RBX1: variants seen among roughly 807,000 people sequenced by gnomAD.
RBX1 encodes the protein ring-box 1, also known as E3 ubiquitin-protein ligase RBX1.
For synonymous variants in RBX1, 48 were observed against 47.9 expected, an observed-to-expected ratio of 1.00 and a Z score of -0.01; for missense variants, 46 against 141.4, an observed-to-expected ratio of 0.33 and a Z score of 3.42.
At chr22:40,965,959 A>G (rs907407404) in intron 3 of RBX1, among the ~76,000 whole-genome samples, 1 of 152,186 alleles carries the variant, frequency 6.6e-6, no homozygotes, top group Non-Finnish European at 1.5e-5. Flanking sequence ...AAATTTGGCT[A>G]AGGAGAGATT....
At chr22:40,971,581 A>T (rs1350270182) in intron 4 of RBX1, among the ~76,000 whole-genome samples, 1 of 152,076 alleles carries the variant, frequency 6.6e-6, no homozygotes, top group Non-Finnish European at 1.5e-5. Flanking sequence ...TTTGAGACAG[A>T]GTCTCACTGT....
At chr22:40,960,432 A>G (rs1288865928) in intron 2 of RBX1, among the ~76,000 whole-genome samples, 1 of 152,072 alleles carries the variant, frequency 6.6e-6, no homozygotes, top group African/African-American at 2.4e-5. Flanking sequence ...TAGGAGGAGG[A>G]GCATGTTCCA....
chr22:40,952,973 A>C (rs1049682603), intron 1 of RBX1, among the ~76,000 whole-genome samples: 3 of 145,278 alleles, frequency 2.1e-5, no homozygotes, highest in Admixed American at 1.4e-4. Flanking sequence ...CAGAAATTCA[A>C]GTTTGTGCCC....
At chr22:40,964,287 G>A in intron 3 of RBX1, 170 bp downstream of exon 3, 1 of 523,328 alleles carries the variant, frequency 1.9e-6, no homozygotes, top group Non-Finnish European at 3.4e-6. Context: ...ACCTGTTACA[G>A]GGTAAAAATT....
chr22:40,964,657 A>G (rs1267995128), intron 3 of RBX1, among the ~76,000 whole-genome samples: 1 of 152,220 alleles, frequency 6.6e-6, no homozygotes, highest in East Asian at 1.9e-4. Flanking sequence ...GATAACAAAT[A>G]TCAAATATGT....
At chr22:40,958,816 T>TTGGTG (rs2058332256) in intron 2 of RBX1, among the ~76,000 whole-genome samples, 1 of 151,656 alleles carries the variant, frequency 6.6e-6, no homozygotes, top group Non-Finnish European at 1.5e-5. Flanking sequence ...TTGGTTTGGT[T>TTGGTG]TGGTTTGGTT....
chr22:40,955,294 A>T, intron 2 of RBX1, among the ~76,000 whole-genome samples: 2 of 135,936 alleles, frequency 1.5e-5, no homozygotes. Flanking sequence ...CAGAGACGGG[A>T]TCTCGCTTTG....
rs189575343 is a variant in RBX1, at chr22:40,969,369, G to T, written c.314+1485G>T. On this transcript the variant is annotated intron_variant, in intron 4 of 4. Coordinates refer to ENST00000216225, the MANE Select transcript of RBX1 (RefSeq NM_014248.4). ...CCAGTTTTTCACTGATGCAAGCAAT[G>T]TGAAGGGAGAAACATCCTTATACAT... Among the ~76,000 whole-genome samples, 248 of 152,340 alleles carry T rather than the reference G, an allele frequency of 1.6e-3. 1 individual carries two copies. Among genetic ancestry groups the T allele is most frequent in the Middle Eastern group, 3.4e-3 (1 of 294 alleles).
chr22:40,956,721 C>A (rs1367993594), intron 2 of RBX1, among the ~76,000 whole-genome samples: 1 of 151,746 alleles, frequency 6.6e-6, no homozygotes, highest in Non-Finnish European at 1.5e-5. Context: ...CATGTCCGAC[C>A]TCAAGTCTTT....
At chr22:40,961,830 G>A (rs1198092494) in intron 2 of RBX1, among the ~76,000 whole-genome samples, 1 of 151,882 alleles carries the variant, frequency 6.6e-6, no homozygotes, top group South Asian at 2.1e-4. Flanking sequence ...TGTCACCCAG[G>A]CTGGAATGCA....
chr22:40,966,695 T>C (rs1019908757), intron 3 of RBX1: 4 of 152,208 alleles, frequency 2.6e-5, no homozygotes, highest in Admixed American at 2.6e-4. Flanking sequence ...ATAATCCATA[T>C]TATATAATCC....
intron 2 of RBX1, among the ~76,000 whole-genome samples, chr22:40,960,940 T>C (rs2058338129): frequency 6.6e-6 from 1 of 151,908 alleles, no homozygotes; most frequent in South Asian, 2.1e-4. Context: ...TTGTTTGTAT[T>C]TTTAGAAGAG....
At chr22:40,959,786 G>A (rs1202665659) in intron 2 of RBX1, among the ~76,000 whole-genome samples, 2 of 152,008 alleles carry the variant, frequency 1.3e-5, no homozygotes, top group African/African-American at 2.4e-5. Context: ...CCTCCGGCCT[G>A]GGGGGACAAA....
rs931379202 is a variant in RBX1 at position 40,972,703 on chromosome 22, A to G, written c.*215A>G. ...TTGTGTATGTGAACAAAGTGAACAT[A>G]AATGAAGAGTCTCCCCTTCCAAGGC... On this transcript the variant is annotated 3_prime_UTR_variant, in exon 5 of 5. Transcript: ENST00000216225. 6 of 517,098 alleles carry G rather than the reference A, an allele frequency of 1.2e-5. No individual in the cohort carries two copies. Among genetic ancestry groups the G allele is most frequent in the African/African-American group, 9.6e-5 (5 of 52,124 alleles). 32.0% of individuals were successfully genotyped at this position (517,098 alleles called of 1,614,324 possible). A position where few individuals can be genotyped will look rare whatever the true frequency, so the allele number is the denominator to read the frequency against.
chr22:40,953,328 G>A (rs2058316460), intron 1 of RBX1, among the ~76,000 whole-genome samples: 1 of 152,142 alleles, frequency 6.6e-6, no homozygotes, highest in Non-Finnish European at 1.5e-5. Context: ...CAAATTAAAA[G>A]ATGACATTAA....
intron 1 of RBX1, among the ~76,000 whole-genome samples, chr22:40,952,983 CT>C (rs34618218): frequency 0.027 from 2,324 of 86,698 alleles, 19 homozygotes; most frequent in East Asian, 0.15. Context: ...AGTTTGTGCC[CT>C]TTTTTTTTTT....
chr22:40,966,664 CA>C (rs1467706455), intron 3 of RBX1: 1 of 152,034 alleles, frequency 6.6e-6, no homozygotes, highest in East Asian at 1.9e-4. Context: ...TTGTCTTTGT[CA>C]AAAAACATTT....
At chr22:40,969,299 A>G (rs1409602698) in intron 4 of RBX1, among the ~76,000 whole-genome samples, 1 of 152,156 alleles carries the variant, frequency 6.6e-6, no homozygotes, top group Non-Finnish European at 1.5e-5. Context: ...GCGAAACTCC[A>G]TCTCAAAAAA....
chr22:40,968,342 C>T (rs536184002), intron 4 of RBX1, among the ~76,000 whole-genome samples: 2 of 152,204 alleles, frequency 1.3e-5, no homozygotes, highest in East Asian at 1.9e-4. Context: ...CTGCCTGCCT[C>T]GGTCTCCCAA....
Sources: allele counts gnomAD v4.1 joint callset (sites outside exome capture counted in the v4.1 genomes callset), GRCh38; gene constraint gnomAD v4.1.1; transcripts MANE v1.5; gene names NCBI Gene and HGNC (gene_info 2026-07-23, HGNC 2026-07-21).